SUMF1: variants seen among roughly 807,000 people sequenced by gnomAD.
SUMF1 encodes formylglycine-generating enzyme.
SUMF1 carries 48 observed loss-of-function variants against 47.6 expected under a neutral mutation model. That is an observed-to-expected ratio of 1.01 (90% confidence interval 0.80 to 1.28). SUMF1 has a LOEUF of 1.28. SUMF1 is among the 50% of genes most tolerant of loss of function. The pLI is 0.00. For synonymous variants in SUMF1, 230 were observed against 192.1 expected (o/e 1.20, Z -1.63); for missense variants, 571 against 485.4 (o/e 1.18, Z -1.66).
intron 3 of SUMF1, among the ~76,000 whole-genome samples, chr3:4,436,904 G>T (rs1467854335): frequency 6.7e-6 from 1 of 148,970 alleles, no homozygotes; most frequent in Admixed American, 6.7e-5. Context: ...ACTGACTAAT[G>T]ACTGACTTCT....
In SUMF1 at chr3:4,253,350, C is replaced by G. The variant is rs530433606; in HGVS notation, c.1014+122980G>C. ...GATTTCTGCATTTCCATCTGAGGTACCGGGTTCATCTCACTAGGGAGTGCC... is the reference window on the plus strand; with the variant it reads ...GATTTCTGCATTTCCATCTGAGGTAGCGGGTTCATCTCACTAGGGAGTGCC... On this transcript the variant is annotated intron_variant and NMD_transcript_variant, in intron 8 of 12. Transcript: ENST00000448413. 5.0e-3 allele frequency among the ~76,000 whole-genome samples: 759 copies of G among 152,284 alleles called. 19 individuals carry two copies. Among genetic ancestry groups the G allele is most frequent in the East Asian group, 2.3e-3 (12 of 5,166 alleles).
chr3:4,041,998 AC>A (rs1284101753), intron 9 of SUMF1, among the ~76,000 whole-genome samples: 1 of 152,184 alleles, frequency 6.6e-6, no homozygotes, highest in African/African-American at 2.4e-5. Context: ...AAAATCACCT[AC>A]AATGCTGAAT....
chr3:4,068,713 A>G (rs529153552), exon 9 of SUMF1: 1 of 443,340 alleles, frequency 2.3e-6, no homozygotes, highest in Non-Finnish European at 4.5e-6. Context: ...CAGATGCCAC[A>G]TCTTGAAAAT....
intron 7 of SUMF1, among the ~76,000 whole-genome samples, chr3:4,387,642 C>G (rs1700716910): frequency 6.6e-6 from 1 of 151,792 alleles, no homozygotes; most frequent in Admixed American, 6.6e-5. Flanking sequence ...TTAGTTTTCT[C>G]CTTTTTCTTC....
intron 8 of SUMF1, among the ~76,000 whole-genome samples, chr3:4,350,148 G>A (rs74396695): frequency 9.9e-5 from 15 of 151,474 alleles, no homozygotes; most frequent in African/African-American, 3.6e-4. Context: ...TTACAGGCAT[G>A]CACCACCACG....
chr3:4,177,834 T>G (rs577990365), intron 8 of SUMF1, among the ~76,000 whole-genome samples: 68 of 151,688 alleles, frequency 4.5e-4, no homozygotes, highest in African/African-American at 1.6e-3. Context: ...ATCAAATAGA[T>G]GAAATAAAAA....
intron 8 of SUMF1, among the ~76,000 whole-genome samples, chr3:4,116,988 C>G (rs921864826): frequency 3.3e-5 from 5 of 152,002 alleles, no homozygotes; most frequent in African/African-American, 1.2e-4. Flanking sequence ...CAAAACAAAG[C>G]TCTACTTATA....
chr3:4,394,727 A>G (rs2124945311), intron 7 of SUMF1, among the ~76,000 whole-genome samples: 1 of 152,298 alleles, frequency 6.6e-6, no homozygotes, highest in Non-Finnish European at 1.5e-5. Context: ...GACTGATACA[A>G]GGGATCCAGG....
At chr3:4,241,216 T>G (rs1326650466) in intron 8 of SUMF1, among the ~76,000 whole-genome samples, 2 of 152,046 alleles carry the variant, frequency 1.3e-5, no homozygotes, top group African/African-American at 2.4e-5. Flanking sequence ...TTCCACAGAG[T>G]GCAAAGGATC....
chr3:4,350,352 TGTATAATTG>T (rs1699472456), intron 8 of SUMF1, among the ~76,000 whole-genome samples: 1 of 57,664 alleles, frequency 1.7e-5, no homozygotes, highest in Non-Finnish European at 3.9e-5. Context: ...TGTGTGTGTG[TGTATAATTG>T]TGTGTGTATA....
At chr3:4,201,222 T>C (rs1207113852) in intron 8 of SUMF1, among the ~76,000 whole-genome samples, 1 of 152,074 alleles carries the variant, frequency 6.6e-6, no homozygotes, top group Non-Finnish European at 1.5e-5. Flanking sequence ...TATCAAATAC[T>C]AGATCTTATT....
At chr3:4,194,857 T>C (rs538310303) in intron 8 of SUMF1, among the ~76,000 whole-genome samples, 1 of 152,302 alleles carries the variant, frequency 6.6e-6, no homozygotes, top group Non-Finnish European at 1.5e-5. Context: ...TGATGACCCC[T>C]TGAAGATAAG....
chr3:4,268,404 G>A (rs903741597), intron 8 of SUMF1, among the ~76,000 whole-genome samples: 3 of 151,562 alleles, frequency 2.0e-5, no homozygotes, highest in African/African-American at 7.3e-5. Context: ...TGCACATTGT[G>A]CACATGTAGC....
intron 7 of SUMF1, among the ~76,000 whole-genome samples, chr3:4,406,516 G>A (rs1701381454): frequency 1.3e-5 from 2 of 152,010 alleles, no homozygotes; most frequent in Admixed American, 1.3e-4. Flanking sequence ...AAATTAGCTG[G>A]GTGTGGTAGC....
At chr3:4,422,863 C>G (rs542271510) in intron 3 of SUMF1, among the ~76,000 whole-genome samples, 59 of 151,806 alleles carry the variant, frequency 3.9e-4, no homozygotes, top group African/African-American at 1.4e-3. Context: ...TGTGTAAGTG[C>G]TTTGGTGGTG....
chr3:4,264,314 A>C (rs1697145636), intron 8 of SUMF1, among the ~76,000 whole-genome samples: 1 of 152,152 alleles, frequency 6.6e-6, no homozygotes, highest in Admixed American at 6.5e-5. Context: ...CTAATGAGGG[A>C]ATCTGGGAAG....
chr3:4,326,683 A>G (rs1698953290), intron 8 of SUMF1, among the ~76,000 whole-genome samples: 1 of 151,686 alleles, frequency 6.6e-6, no homozygotes, highest in South Asian at 2.1e-4. Context: ...ATAACCAGAT[A>G]ATTTTTTTTG....
chr3:4,087,168 C>A (rs566238832), intron 8 of SUMF1, among the ~76,000 whole-genome samples: 1 of 152,114 alleles, frequency 6.6e-6, no homozygotes, highest in Non-Finnish European at 1.5e-5. Context: ...GGAAAGCCAA[C>A]GTGGGGTAGT....
chr3:4,099,369 A>G lies in SUMF1; in HGVS notation c.1015-30624T>C, dbSNP rs567230896. Reference sequence around the variant, plus strand: ...AGTGAAGGACAAAAACCATACGATCATCTCAATAGATGCAGAAAAAGCATG... The same window carrying G: ...AGTGAAGGACAAAAACCATACGATCGTCTCAATAGATGCAGAAAAAGCATG... On this transcript the variant is annotated intron_variant and NMD_transcript_variant, in intron 8 of 12. Coordinates refer to the SUMF1 transcript ENST00000448413. Among the ~76,000 whole-genome samples the G allele has an allele frequency of 2.6e-5, 4 of 152,296 alleles. No individual in the cohort carries two copies. The East Asian group carries it at 7.7e-4, about 29-fold the overall frequency.
Sources: allele counts gnomAD v4.1 joint callset (sites outside exome capture counted in the v4.1 genomes callset), GRCh38; gene constraint gnomAD v4.1.1; transcripts MANE v1.5; gene names NCBI Gene and HGNC (gene_info 2026-07-23, HGNC 2026-07-21).